The following ACACA variants were observed in gnomAD, a reference collection of about 807,000 sequenced individuals.
ACACA encodes the protein acetyl-CoA carboxylase alpha, also known as acetyl-CoA carboxylase 1.
ACACA carries 103 observed loss-of-function variants against 296.1 expected under a neutral mutation model. The observed-to-expected ratio is 0.35, with a 90% confidence interval of 0.30 to 0.41. ACACA has a LOEUF of 0.41. Ranked by LOEUF, ACACA falls within the 10% of genes least tolerant of loss-of-function variation. ACACA has a pLI of 1.00. For synonymous variants in ACACA, 953 were observed against 1,038.6 expected (o/e 0.92, Z 1.58); for missense variants, 1,554 against 2,989.7 (o/e 0.52, Z 11.20).
chr17:37,234,825 G>T, intron 25 of ACACA, 150 bp downstream of exon 25: 1 of 895,974 alleles, frequency 1.1e-6, no homozygotes, highest in South Asian at 1.7e-5. Flanking sequence ...AGGTAGATGT[G>T]AGAAACTGTT....
intron 1 of ACACA, among the ~76,000 whole-genome samples, chr17:37,370,460 A>G (rs1413906015): frequency 6.7e-6 from 1 of 149,014 alleles, no homozygotes; most frequent in Non-Finnish European, 1.5e-5. Flanking sequence ...CAGCCTGGGC[A>G]ACACGGTGAA....
In ACACA at chr17:37,319,226, C is replaced by G. The variant is rs570801133; in HGVS notation, c.338+10947G>C. Among the ~76,000 whole-genome samples the G allele has an allele frequency of 1.8e-3, 280 of 152,062 alleles. 3 individuals are homozygous for G. The highest frequency in any genetic ancestry group is 3.4e-3 in the Middle Eastern group (1 of 294). ...ACACAATTTGTGGATTGGATACTTG[C>G]ATGAAGGAACCAGAATTTTCAGGTT... On this transcript the variant is annotated intron_variant, in intron 3 of 55. Transcript: ENST00000616317.
In ACACA at chr17:37,379,438, A is replaced by C. The variant is rs920119950; in HGVS notation, c.38+26824T>G. 1.9e-6 allele frequency: 3 copies of C among 1,556,772 alleles called. No individual in the cohort carries two copies. In the African/African-American group the frequency reaches 4.1e-5, roughly 21 times the overall value. On this transcript the variant is annotated intron_variant, in intron 1 of 55. Transcript: ENST00000616317. ...ACTAACTTTTAGTTGACATCCTTGA[A>C]GGCAGCCAGAACTCCGTAGCAGGAA...
At chr17:37,093,688 G>A (rs996695449) in intron 54 of ACACA, among the ~76,000 whole-genome samples, 4 of 152,150 alleles carry the variant, frequency 2.6e-5, no homozygotes, top group Non-Finnish European at 5.9e-5. Context: ...TGTGAAGACA[G>A]GGTCTTGCTT....
intron 1 of ACACA, among the ~76,000 whole-genome samples, chr17:37,368,197 G>A (rs1173726648): frequency 8.5e-5 from 13 of 152,176 alleles, no homozygotes; most frequent in African/African-American, 2.2e-4. Context: ...ACTTGAACCC[G>A]AGGGGCGGAG....
intron 9 of ACACA, among the ~76,000 whole-genome samples, chr17:37,271,695 C>A (rs1007797539): frequency 2.0e-5 from 3 of 150,578 alleles, no homozygotes; most frequent in African/African-American, 7.3e-5. Context: ...TGGGGTTGGG[C>A]GTAGTGGCTC....
intron 18 of ACACA, 190 bp downstream of exon 18, chr17:37,247,821 T>A: frequency 4.7e-6 from 3 of 643,626 alleles, no homozygotes; most frequent in Non-Finnish European, 5.3e-6. Context: ...ACTGGAGTGG[T>A]AGGGAGACAT....
At chr17:37,117,801 T>TC (rs397765474) in intron 50 of ACACA, among the ~76,000 whole-genome samples, 18 of 151,540 alleles carry the variant, frequency 1.2e-4, no homozygotes, top group South Asian at 4.2e-4. Flanking sequence ...TTTTTTTTTT[T>TC]CCCTTCACTA....
chr17:37,224,059 A>G (rs1216506505), intron 27 of ACACA, among the ~76,000 whole-genome samples: 3 of 152,146 alleles, frequency 2.0e-5, no homozygotes, highest in Non-Finnish European at 4.4e-5. Context: ...AAAATTAGCC[A>G]GGCGTGGTAG....
chr17:37,336,214 G>C (rs1483029878), intron 2 of ACACA, among the ~76,000 whole-genome samples: 1 of 152,122 alleles, frequency 6.6e-6, no homozygotes, highest in East Asian at 1.9e-4. Flanking sequence ...ATGCTCTGAT[G>C]TTAATGACAT....
intron 3 of ACACA, among the ~76,000 whole-genome samples, chr17:37,319,123 C>T (rs945378283): frequency 6.6e-6 from 1 of 152,016 alleles, no homozygotes; most frequent in Non-Finnish European, 1.5e-5. Flanking sequence ...AAACGAGTCA[C>T]TAGTCACTGT....
chr17:37,270,474 A>T (rs2082020060), intron 10 of ACACA, among the ~76,000 whole-genome samples: 1 of 152,176 alleles, frequency 6.6e-6, no homozygotes, highest in Non-Finnish European at 1.5e-5. Flanking sequence ...CGCACCAGGT[A>T]GGAAAGAGCT....
At chr17:37,214,729 GA>G (rs1242927793) in intron 29 of ACACA, among the ~76,000 whole-genome samples, 2 of 152,208 alleles carry the variant, frequency 1.3e-5, no homozygotes, top group Non-Finnish European at 2.9e-5. Context: ...AACCTGCTGA[GA>G]ATCTTCTCTT....
At chr17:37,328,892 T>C (rs1397947351) in intron 3 of ACACA, 1 of 398,390 alleles carries the variant, frequency 2.5e-6, no homozygotes, top group Non-Finnish European at 4.4e-6. Flanking sequence ...AATCGAAATC[T>C]CTGGGGATGG....
rs1285557783 is a variant in ACACA at position 37,087,496 on chromosome 17, G to C, written c.7029-57C>G. The C allele has an allele frequency of 8.1e-6, 13 of 1,605,272 alleles. No individual in the cohort carries two copies. The African/African-American group carries it at 1.7e-4, about 21-fold the overall frequency. ...AGAGAAGCAGAAGTGTCTAGATGAG[G>C]ACAGCTAAAGAACTGCCCAATAAAC... is the stretch of plus-strand genomic sequence containing the variant. On this transcript the variant is annotated intron_variant, in intron 55 of 55. Coordinates refer to ENST00000616317, the MANE Select transcript of ACACA (RefSeq NM_198834.3).
intron 29 of ACACA, among the ~76,000 whole-genome samples, chr17:37,213,317 T>C (rs1006580376): frequency 4.2e-5 from 6 of 143,938 alleles, no homozygotes; most frequent in Admixed American, 2.2e-4. Context: ...ATCATGCCAC[T>C]GTACTCCAGC....
At chr17:37,106,093 C>T (rs1455653002) in intron 52 of ACACA, among the ~76,000 whole-genome samples, 7 of 151,740 alleles carry the variant, frequency 4.6e-5, no homozygotes, top group Non-Finnish European at 1.0e-4. Flanking sequence ...TTTAAAAGAT[C>T]TATGTAATCA....
At chr17:37,283,481 T>A in intron 4 of ACACA, 76 bp from the exon 5 acceptor site, 26 of 1,448,968 alleles carry the variant, frequency 1.8e-5, no homozygotes, top group African/African-American at 2.8e-5. Context: ...GATGAGAGAA[T>A]TTTTACATAT....
chr17:37,287,705 T>C (rs903197484), intron 3 of ACACA, among the ~76,000 whole-genome samples: 5 of 150,256 alleles, frequency 3.3e-5, no homozygotes, highest in Non-Finnish European at 7.4e-5. Flanking sequence ...ATCAAGCCAC[T>C]GCCCTCCAGC....
Sources: gnomAD v4.1 joint callset for allele counts (sites outside exome capture counted in the v4.1 genomes callset) on GRCh38, gnomAD v4.1.1 for gene constraint, MANE v1.5 for transcripts, NCBI Gene and HGNC (gene_info 2026-07-23, HGNC 2026-07-21) for gene names.